TARS3: variants seen among roughly 807,000 people sequenced by gnomAD.
TARS3 encodes the protein threonine--tRNA ligase 2, cytoplasmic.
A neutral mutation model predicts 103.5 loss-of-function variants in TARS3; 94 were observed. The observed-to-expected ratio is 0.91, with a 90% CI of 0.77 to 1.08. The LOEUF is 1.08. TARS3 is among the 50% of genes least tolerant of loss of function. TARS3 has a pLI of 0.00. For missense variants in TARS3, 952 were observed against 995.2 expected (o/e 0.96, Z 0.58); for synonymous variants, 416 against 355.4 (o/e 1.17, Z -1.92).
chr15:101,683,916 A>G lies in TARS3; in HGVS notation c.1650+159T>C, dbSNP rs74377479. Among the ~76,000 whole-genome samples, 383 of 152,354 alleles carry G rather than the reference A, an allele frequency of 2.5e-3. 1 individual carries two copies. The highest frequency in any genetic ancestry group is 8.7e-3 in the African/African-American group (361 of 41,576). On this transcript the variant is annotated intron_variant, in intron 12 of 18. Transcript: ENST00000335968. ...TTTCATGTCAAGAGATGATTAATCT[A>G]TTGACCTAATTTAGAGAATCACAGC...
intron 18 of TARS3, chr15:101,656,170 G>A (rs1016074208): frequency 4.0e-6 from 3 of 759,388 alleles, no homozygotes; most frequent in Admixed American, 2.5e-5. Flanking sequence ...TACCTTTCAT[G>A]TCATGGGATA....
chr15:101,723,624 A>G (rs893354593), intron 1 of TARS3, among the ~76,000 whole-genome samples: 1 of 152,234 alleles, frequency 6.6e-6, no homozygotes, highest in African/African-American at 2.4e-5. Flanking sequence ...AATGTTAAAT[A>G]TACAGCTATC....
chr15:101,656,505 T>C (rs1190054360), intron 18 of TARS3, among the ~76,000 whole-genome samples: 1 of 152,246 alleles, frequency 6.6e-6, no homozygotes, highest in Non-Finnish European at 1.5e-5. Flanking sequence ...AATCTTTTCC[T>C]TTAGATCATT....
Position 101,702,335 on chromosome 15 carries a change from C to T in TARS3, c.1125G>A (p.Arg375=). 6.2e-7 allele frequency: 1 copy of T among 1,613,934 alleles called. No homozygotes were observed. Among genetic ancestry groups the T allele is most frequent in the Non-Finnish European group, 8.5e-7 (1 of 1,179,850 alleles). ...TATCAGGAAAGGATATTCCATAGAT[C>T]CTCTGCAATGTTTCCATTTCCGGAT... ...EGNPEMETLQ[R]IYGISFPDNK... The change falls in exon 9 of 19, where the codon AGG becomes AGA. Residue 375 remains arginine, a synonymous_variant. Coordinates refer to ENST00000335968, the MANE Select transcript of TARS3 (RefSeq NM_152334.3).
rs141636668 is a variant in TARS3 at position 101,711,929 on chromosome 15, C to T, written c.763G>A (p.Gly255Ser). The T allele has an allele frequency of 2.2e-5, 36 of 1,613,794 alleles. No homozygotes were observed. The highest frequency in any genetic ancestry group is 1.2e-4 in the African/African-American group (9 of 74,902). Residue 255 changes from glycine (G) to serine (S), a missense_variant, in exon 5 of 19, where the codon GGT becomes AGT. Coordinates refer to ENST00000335968, the MANE Select transcript of TARS3 (RefSeq NM_152334.3). Reference protein sequence around the residue: ...ELYYGGHLCYGPPIENGFYYD... With the variant: ...ELYYGGHLCYSPPIENGFYYD... ...TAAAATCCATTTTCAATGGGCGGAC[C>T]GTAGCACAGGTGGCCTCCATAGTAA... is the stretch of plus-strand genomic sequence containing the variant.
intron 1 of TARS3, 142 bp from the exon 2 acceptor site, chr15:101,723,306 C>A: frequency 1.5e-6 from 1 of 676,764 alleles, no homozygotes; most frequent in South Asian, 1.7e-5. Flanking sequence ...CTACAGCTCT[C>A]AGTGGGCAAG....
chr15:101,670,692 A>G lies in TARS3; in HGVS notation c.1967+794T>C, dbSNP rs531470228. Among the ~76,000 whole-genome samples, 10 of 152,338 alleles carry G rather than the reference A, an allele frequency of 6.6e-5. No homozygotes were observed. In the South Asian group the frequency reaches 1.7e-3, roughly 25 times the overall value. ...ACCTAAAGAAAACTTCTATTCACACAAAAACCTATACACTAATATCTACAG... is the reference window on the plus strand; with the variant it reads ...ACCTAAAGAAAACTTCTATTCACACGAAAACCTATACACTAATATCTACAG... On this transcript the variant is annotated intron_variant, in intron 15 of 18. Transcript: ENST00000335968.
rs764008388 is a variant in TARS3, at chr15:101,702,225, G to C, written c.1221+14C>G. 3.7e-6 allele frequency: 6 copies of C among 1,613,892 alleles called. No homozygotes were observed. The highest frequency in any genetic ancestry group is 5.1e-6 in the Non-Finnish European group (6 of 1,179,932). ...TTATGATTACATCTCCAGTGATTAA[G>C]ATGTGGGGCATACCTTCCCGATCTT... On this transcript the variant is annotated intron_variant, in intron 9 of 18. Transcript: ENST00000335968.
At chr15:101,660,711 C>T (rs532126811) in intron 16 of TARS3, among the ~76,000 whole-genome samples, 2 of 152,316 alleles carry the variant, frequency 1.3e-5, no homozygotes, top group East Asian at 3.9e-4. Context: ...TGATGGCAAC[C>T]TGAATTCTCA....
At chr15:101,700,831 A>G (rs1449728514) in intron 10 of TARS3, among the ~76,000 whole-genome samples, 3 of 152,000 alleles carry the variant, frequency 2.0e-5, no homozygotes, top group Non-Finnish European at 4.4e-5. Flanking sequence ...TAGTAGAGAC[A>G]GGGTTTCACC....
At chr15:101,690,824 TG>T (rs1488823291) in intron 10 of TARS3, among the ~76,000 whole-genome samples, 1 of 152,232 alleles carries the variant, frequency 6.6e-6, no homozygotes, top group Non-Finnish European at 1.5e-5. Flanking sequence ...GCTAGGAGTG[TG>T]CATTTTTTTC....
chr15:101,657,109 C>A (rs1897221417), intron 17 of TARS3, 73 bp from the exon 18 acceptor site: 4 of 969,328 alleles, frequency 4.1e-6, no homozygotes, highest in Non-Finnish European at 6.5e-6. Flanking sequence ...TTGTTCCCCA[C>A]TCTTGGTATT....
intron 3 of TARS3, among the ~76,000 whole-genome samples, chr15:101,715,286 A>G (rs1170534165): frequency 6.7e-6 from 1 of 150,278 alleles, no homozygotes; most frequent in East Asian, 2.0e-4. Context: ...AGCTGGGACT[A>G]CAGGCGCCCG....
intron 13 of TARS3, among the ~76,000 whole-genome samples, chr15:101,673,850 C>T (rs1161754828): frequency 6.6e-6 from 1 of 152,162 alleles, no homozygotes; most frequent in Non-Finnish European, 1.5e-5. Flanking sequence ...GGCTTCTGCA[C>T]CTATTAATCA....
intron 10 of TARS3, among the ~76,000 whole-genome samples, chr15:101,687,042 G>A (rs930306627): frequency 1.3e-5 from 2 of 152,002 alleles, no homozygotes; most frequent in Admixed American, 1.3e-4. Flanking sequence ...GGCAGTCCAC[G>A]GTAGACAGCT....
intron 7 of TARS3, among the ~76,000 whole-genome samples, chr15:101,704,240 T>C (rs1465015866): frequency 2.0e-5 from 3 of 152,182 alleles, no homozygotes; most frequent in African/African-American, 7.2e-5. Flanking sequence ...GAAAATGTCA[T>C]CTCTCTCAAT....
chr15:101,686,736 A>G (rs189984450), intron 10 of TARS3, among the ~76,000 whole-genome samples: 3 of 152,290 alleles, frequency 2.0e-5, no homozygotes, highest in Admixed American at 2.0e-4. Flanking sequence ...ACAAATGTCA[A>G]TTAGGTCAAA....
chr15:101,699,106 AATACT>A (rs1899126205), intron 10 of TARS3, among the ~76,000 whole-genome samples: 1 of 152,216 alleles, frequency 6.6e-6, no homozygotes, highest in South Asian at 2.1e-4. Flanking sequence ...AATTACATGT[AATACT>A]TGGCATCTAA....
intron 15 of TARS3, among the ~76,000 whole-genome samples, chr15:101,670,203 G>A (rs1338491508): frequency 3.3e-5 from 5 of 152,156 alleles, no homozygotes; most frequent in African/African-American, 1.2e-4. Context: ...GAATGGGAAA[G>A]TAAAGATATT....
Sources: allele counts gnomAD v4.1 joint callset (sites outside exome capture counted in the v4.1 genomes callset), GRCh38; gene constraint gnomAD v4.1.1; transcripts MANE v1.5; gene names NCBI Gene and HGNC (gene_info 2026-07-23, HGNC 2026-07-21).